PCSK5: variants seen among roughly 807,000 people sequenced by gnomAD.
PCSK5 encodes the protein proprotein convertase subtilisin/kexin type 5, also known as prohormone convertase 5.
In PCSK5, 129 loss-of-function variants were observed where a neutral mutation model predicts 233.2. The ratio of observed to expected loss-of-function variants is 0.55; its 90% confidence interval spans 0.48 to 0.64. The LOEUF (loss-of-function observed/expected upper bound fraction) is 0.64, where lower values mean the gene tolerates loss of function less well. PCSK5 is among the 30% of genes least tolerant of loss of function. The pLI is 0.00. For missense variants in PCSK5, 2,076 were observed against 2,430.1 expected, an observed-to-expected ratio of 0.85 and a Z score of 3.06; for synonymous variants, 825 against 879.2, an observed-to-expected ratio of 0.94 and a Z score of 1.09.
chr9:75,960,616 A>G (rs1013080669), intron 2 of PCSK5, among the ~76,000 whole-genome samples: 39 of 152,340 alleles, frequency 2.6e-4, no homozygotes, highest in African/African-American at 9.1e-4. Context: ...AGGCCAGTTT[A>G]CACTTTTTCT....
chr9:76,307,599 G>T, intron 28 of PCSK5, among the ~76,000 whole-genome samples: 1 of 152,098 alleles, frequency 6.6e-6, no homozygotes, highest in South Asian at 2.1e-4. Context: ...AAAGGGAGAA[G>T]GGAACACTTC....
chr9:76,325,030 T>G (rs531647783), intron 32 of PCSK5, among the ~76,000 whole-genome samples: 1 of 152,178 alleles, frequency 6.6e-6, no homozygotes, highest in South Asian at 2.1e-4. Context: ...GCTCCAGCCT[T>G]GTGCTGTGGA....
intron 14 of PCSK5, among the ~76,000 whole-genome samples, chr9:76,177,941 A>C (rs1823687238): frequency 7.7e-6 from 1 of 130,322 alleles, no homozygotes; most frequent in Non-Finnish European, 1.7e-5. Context: ...TCAAGAATAA[A>C]TGTTTGGGAT....
At chr9:76,270,365 C>T (rs1379565317) in intron 24 of PCSK5, among the ~76,000 whole-genome samples, 2 of 152,134 alleles carry the variant, frequency 1.3e-5, no homozygotes, top group Admixed American at 1.3e-4. Context: ...TTTGCTGAAA[C>T]CTTCCCTTAT....
intron 24 of PCSK5, among the ~76,000 whole-genome samples, chr9:76,283,196 A>T (rs934361244): frequency 3.9e-5 from 6 of 152,258 alleles, no homozygotes; most frequent in African/African-American, 1.4e-4. Flanking sequence ...TAGCAGCAGA[A>T]TTTGAGAGGA....
chr9:75,908,842 C>T (rs1487261355), intron 1 of PCSK5, among the ~76,000 whole-genome samples: 3 of 151,176 alleles, frequency 2.0e-5, no homozygotes, highest in African/African-American at 7.3e-5. Context: ...ATCTATCCAT[C>T]CATCCGCCAT....
chr9:76,350,942 G>C lies in PCSK5; in HGVS notation c.5067+14G>C, dbSNP rs1444746554. The C allele has an allele frequency of 2.9e-6, 4 of 1,364,900 alleles. No individual in the cohort carries two copies. The African/African-American group carries it at 5.7e-5, about 20-fold the overall frequency. 84.5% of individuals were successfully genotyped at this position (1,364,900 alleles called of 1,614,324 possible). On this transcript the variant is annotated intron_variant, in intron 36 of 37. Transcript: ENST00000674117. ...AGAGTGGGAGAGGTATGGAGGGCTG[G>C]GGGTCCTGGGCCTTCTGCTCTTTCT... is the stretch of plus-strand genomic sequence containing the variant.
At chr9:76,069,912 G>A (rs1489160838) in intron 6 of PCSK5, among the ~76,000 whole-genome samples, 1 of 149,426 alleles carries the variant, frequency 6.7e-6, no homozygotes, top group Non-Finnish European at 1.5e-5. Context: ...AATTAAACCA[G>A]TGTTACTCAG....
chr9:76,359,324 T>C lies in PCSK5; in HGVS notation c.*402T>C, dbSNP rs573195362. On this transcript the variant is annotated 3_prime_UTR_variant, in exon 38 of 38. Transcript: ENST00000674117. ...AGGTGTCTGCTGCCTCCTGGTATTC[T>C]AATTTTTCTTTATCTAATTTTGGGG... 1 of 169,412 alleles carries C rather than the reference T, an allele frequency of 5.9e-6. No individual in the cohort carries two copies. Among genetic ancestry groups the C allele is most frequent in the African/African-American group, 2.4e-5 (1 of 42,062 alleles). 10.5% of individuals were successfully genotyped at this position (169,412 alleles called of 1,614,324 possible).
chr9:76,133,999 T>G, intron 9 of PCSK5, 110 bp from the exon 10 acceptor site: 1 of 722,842 alleles, frequency 1.4e-6, no homozygotes, highest in Non-Finnish European at 2.4e-6. Flanking sequence ...TGACCCTTTG[T>G]TTTTAGTACT....
intron 20 of PCSK5, among the ~76,000 whole-genome samples, chr9:76,226,118 T>C (rs59503327): frequency 0.025 from 3,741 of 152,244 alleles, 149 homozygotes; most frequent in African/African-American, 0.084. Flanking sequence ...TGAGGAGACA[T>C]AGAGGAACAG....
chr9:76,001,710 GTGCC>G (rs1827270175), intron 3 of PCSK5, among the ~76,000 whole-genome samples: 1 of 152,046 alleles, frequency 6.6e-6, no homozygotes. Context: ...TTCCCCTAAT[GTGCC>G]TGTTTTAGAA....
At chr9:76,200,431 G>A (rs192130088) in intron 20 of PCSK5, among the ~76,000 whole-genome samples, 48 of 152,128 alleles carry the variant, frequency 3.2e-4, no homozygotes, top group East Asian at 2.9e-3. Context: ...TGCCCACCTC[G>A]TTTTGACTTT....
chr9:75,965,341 G>A (rs986822374), intron 2 of PCSK5, among the ~76,000 whole-genome samples: 1 of 51,868 alleles, frequency 1.9e-5, no homozygotes, highest in African/African-American at 6.6e-5. Flanking sequence ...GGATTCACTT[G>A]ATTACAGAAG....
At chr9:76,139,082 A>G (rs1012562804) in intron 10 of PCSK5, among the ~76,000 whole-genome samples, 2 of 152,006 alleles carry the variant, frequency 1.3e-5, no homozygotes, top group Admixed American at 6.6e-5. Flanking sequence ...TATTACTTTT[A>G]ATTGCCATCA....
At chr9:76,075,509 G>A (rs1322304938) in intron 7 of PCSK5, among the ~76,000 whole-genome samples, 1 of 151,776 alleles carries the variant, frequency 6.6e-6, no homozygotes, top group African/African-American at 2.4e-5. Flanking sequence ...TCTTTTCCAG[G>A]TTAAATAAAT....
At chr9:76,358,085 T>C (rs1425272204) in intron 37 of PCSK5, among the ~76,000 whole-genome samples, 1 of 152,222 alleles carries the variant, frequency 6.6e-6, no homozygotes, top group Non-Finnish European at 1.5e-5. Flanking sequence ...GGTATGGGGA[T>C]AAGGGAACTC....
intron 1 of PCSK5, among the ~76,000 whole-genome samples, chr9:75,898,098 C>T (rs753958930): frequency 5.3e-5 from 8 of 152,148 alleles, no homozygotes; most frequent in Non-Finnish European, 7.4e-5. Flanking sequence ...GCAAAACCTA[C>T]CCTGACCTAA....
intron 20 of PCSK5, among the ~76,000 whole-genome samples, chr9:76,202,091 GT>G (rs1441533698): frequency 1.3e-5 from 2 of 152,086 alleles, no homozygotes. Context: ...GGAATATAAT[GT>G]TTAATTGTTC....
Sources: allele counts gnomAD v4.1 joint callset (sites outside exome capture counted in the v4.1 genomes callset), GRCh38; gene constraint gnomAD v4.1.1; transcripts MANE v1.5; gene names NCBI Gene and HGNC (gene_info 2026-07-23, HGNC 2026-07-21).